Variants in TTC7A observed in about 807,000 individuals in gnomAD.
TTC7A encodes tetratricopeptide repeat protein 7A.
In TTC7A, 110 loss-of-function variants were observed where a neutral mutation model predicts 103.7. The observed-to-expected ratio is 1.06, with a 90% CI of 0.91 to 1.24. TTC7A has a LOEUF of 1.24. TTC7A is among the 50% of genes most tolerant of loss of function. The pLI, the probability that TTC7A is intolerant of heterozygous loss-of-function variation, is 0.00. For missense variants in TTC7A, 1,340 were observed against 1,116.3 expected (o/e 1.20, Z -2.86); for synonymous variants, 521 against 467.9 (o/e 1.11, Z -1.47).
chr2:47,023,437 C>T lies in TTC7A; in HGVS notation c.1540C>T (p.His514Tyr). Residue 514 changes from histidine (H) to tyrosine (Y), a missense_variant, in exon 13 of 20, where the codon CAC becomes TAC. His to Tyr is a moderately conservative substitution (Grantham distance 83). Transcript: ENST00000319190. Reference protein sequence around the residue: ...ATLKSKQDELHRKALQTLERA... With the variant: ...ATLKSKQDELYRKALQTLERA... ...CCTGAAGTCCAAGCAAGATGAATTG[C>T]ACCGGAAGGCACTGCAGACGCTGGA... 6.2e-7 allele frequency: 1 copy of T among 1,614,122 alleles called. No homozygotes were observed. Among genetic ancestry groups the T allele is most frequent in the Non-Finnish European group, 8.5e-7 (1 of 1,180,008 alleles).
chr2:47,046,416 G>C lies in TTC7A; in HGVS notation c.1904G>C (p.Ser635Thr), dbSNP rs147366291. The C allele has an allele frequency of 2.5e-6, 4 of 1,613,966 alleles. No individual in the cohort carries two copies. The African/African-American group carries it at 4.0e-5, about 16-fold the overall frequency. Residue 635 changes from serine to threonine, a missense_variant, in exon 16 of 20, where the codon AGC (serine) becomes ACC (threonine). Physicochemically the swap from Ser to Thr is moderately conservative, Grantham distance 58 (BLOSUM62 1). Coordinates refer to ENST00000319190, the MANE Select transcript of TTC7A (RefSeq NM_020458.4). Reference protein sequence around the residue: ...QVLRLWQTLYSFSQLGGLEKD... With the variant: ...QVLRLWQTLYTFSQLGGLEKD... Reference sequence around the variant, plus strand: ...CTGAGGCTGTGGCAGACCCTGTACAGCTTCTCCCAGCTGGGGTGAGTGGCC... The same window carrying C: ...CTGAGGCTGTGGCAGACCCTGTACACCTTCTCCCAGCTGGGGTGAGTGGCC...
intron 5 of TTC7A, among the ~76,000 whole-genome samples, chr2:46,981,229 T>C (rs1482546423): frequency 7.6e-6 from 1 of 131,428 alleles, no homozygotes; most frequent in African/African-American, 2.5e-5. Context: ...TACACAGATG[T>C]ATTTTTTTTT....
At position 47,046,342 on chromosome 2, in the gene TTC7A, G is replaced by T; in HGVS notation, c.1830G>T (p.Glu610Asp). The change falls in exon 16 of 20, where the codon GAG (glutamate) becomes GAT (aspartate). Residue 610 changes from glutamate to aspartate, a missense_variant. By Grantham distance (45) the Glu-to-Asp change is conservative (BLOSUM62 2). Coordinates refer to ENST00000319190, the MANE Select transcript of TTC7A (RefSeq NM_020458.4). ...FNLMFTKVKL[E>D]QVLKGPEEAL... ...TGATGTTCACCAAGGTGAAGCTGGA[G>T]CAGGTGCTGAAAGGCCCAGAGGAAG... The T allele has an allele frequency of 6.2e-7, 1 of 1,614,174 alleles. No individual in the cohort carries two copies. Among genetic ancestry groups the T allele is most frequent in the East Asian group, 2.2e-5 (1 of 44,882 alleles).
chr2:47,058,921 G>A (rs1683538161), intron 18 of TTC7A, among the ~76,000 whole-genome samples: 1 of 151,898 alleles, frequency 6.6e-6, no homozygotes, highest in Non-Finnish European at 1.5e-5. Flanking sequence ...TGCTTTGGAG[G>A]GAGGCCACAG....
At position 46,934,634 on chromosome 2, in the gene TTC7A, C is replaced by T. The variant is rs200573058; in HGVS notation, c.83-15729C>T. Among the ~76,000 whole-genome samples, 9 of 151,904 alleles carry T rather than the reference C, an allele frequency of 5.9e-5. No individual in the cohort carries two copies. The East Asian group carries it at 1.5e-3, about 26-fold the overall frequency. Reference sequence around the variant, plus strand: ...TATTCTCTAAAACACTTTAAAAACCCTCCCCTCATAGGTTGCAGTAAGCCT... The same window carrying T: ...TATTCTCTAAAACACTTTAAAAACCTTCCCCTCATAGGTTGCAGTAAGCCT... On this transcript the variant is annotated intron_variant, in intron 2 of 20. Transcript: ENST00000409245.
intron 3 of TTC7A, among the ~76,000 whole-genome samples, chr2:46,973,140 A>G (rs1322874642): frequency 6.6e-6 from 1 of 152,206 alleles, no homozygotes; most frequent in Non-Finnish European, 1.5e-5. Flanking sequence ...CTTGTTGCCC[A>G]TGTCCAATCC....
intron 19 of TTC7A, among the ~76,000 whole-genome samples, chr2:47,071,700 C>T (rs1288354642): frequency 1.3e-5 from 2 of 152,194 alleles, no homozygotes; most frequent in Non-Finnish European, 2.9e-5. Context: ...TCCCTACAGA[C>T]ACACACAGGA....
chr2:46,929,295 G>A (rs2103834011), intron 2 of TTC7A, among the ~76,000 whole-genome samples: 2 of 152,274 alleles, frequency 1.3e-5, no homozygotes, highest in Middle Eastern at 3.4e-3. Flanking sequence ...GACCAGCCTG[G>A]TCAACATAGC....
At chr2:46,991,708 A>G (rs1675651712) in intron 5 of TTC7A, among the ~76,000 whole-genome samples, 2 of 152,332 alleles carry the variant, frequency 1.3e-5, no homozygotes, top group Admixed American at 6.5e-5. Context: ...TGAATGAGGT[A>G]TGCAGTCTAC....
At chr2:46,920,568 T>C (rs546834244) in intron 2 of TTC7A, among the ~76,000 whole-genome samples, 2 of 151,880 alleles carry the variant, frequency 1.3e-5, no homozygotes, top group East Asian at 3.9e-4. Flanking sequence ...TGAACTCACG[T>C]GATCTGCCTG....
At chr2:46,927,638 G>A (rs1355736458) in intron 2 of TTC7A, among the ~76,000 whole-genome samples, 2 of 152,018 alleles carry the variant, frequency 1.3e-5, no homozygotes, top group South Asian at 2.1e-4. Flanking sequence ...GGGATTACAG[G>A]CATGAGCTAC....
chr2:47,021,908 A>G lies in TTC7A; in HGVS notation c.1439A>G (p.Glu480Gly), dbSNP rs755118898. The G allele has an allele frequency of 9.3e-6, 15 of 1,614,028 alleles. No homozygotes were observed. Among genetic ancestry groups the G allele is most frequent in the Non-Finnish European group, 1.3e-5 (15 of 1,179,998 alleles). The change falls in exon 12 of 20, where the codon GAG becomes GGG. Residue 480 changes from glutamate (E) to glycine (G), a missense_variant. Transcript: ENST00000319190. ...HFAMMVISLG[E>G]EAGEFLPKGY... ...GCCATGATGGTGATCAGCCTCGGAG[A>G]GGAAGCCGGGGAGTTCCTCCCCAAG...
At chr2:47,053,673 G>A (rs1683087997) in intron 18 of TTC7A, among the ~76,000 whole-genome samples, 1 of 152,176 alleles carries the variant, frequency 6.6e-6, no homozygotes, top group African/African-American at 2.4e-5. Context: ...CCAGGTTCAA[G>A]TGATTCTCCC....
intron 5 of TTC7A, among the ~76,000 whole-genome samples, chr2:46,988,812 G>GA (rs1675308229): frequency 6.6e-6 from 1 of 152,204 alleles, no homozygotes. Context: ...GTCTCAGGGT[G>GA]AAAAGAGAGG....
At chr2:46,980,632 C>A (rs1228994484) in intron 5 of TTC7A, among the ~76,000 whole-genome samples, 4 of 152,208 alleles carry the variant, frequency 2.6e-5, no homozygotes, top group African/African-American at 9.7e-5. Context: ...ACCTCTGATG[C>A]TAACCGTCAG....
At chr2:46,977,652 A>C (rs568165974) in intron 4 of TTC7A, among the ~76,000 whole-genome samples, 59 of 152,344 alleles carry the variant, frequency 3.9e-4, no homozygotes, top group Non-Finnish European at 7.6e-4. Flanking sequence ...ACTGATACAT[A>C]GTAGAAATAG....
intron 3 of TTC7A, among the ~76,000 whole-genome samples, chr2:46,965,021 T>C (rs1672718687): frequency 6.6e-6 from 1 of 152,198 alleles, no homozygotes; most frequent in Admixed American, 6.5e-5. Flanking sequence ...CTGACCGTGG[T>C]GCACATGAAC....
intron 11 of TTC7A, among the ~76,000 whole-genome samples, chr2:47,013,263 G>A (rs1678271700): frequency 6.6e-6 from 1 of 152,168 alleles, no homozygotes; most frequent in African/African-American, 2.4e-5. Context: ...GAGTATCAGG[G>A]AACCCTTGGT....
At chr2:46,974,868 C>G in intron 3 of TTC7A, 105 bp from the exon 4 acceptor site, 1 of 1,496,596 alleles carries the variant, frequency 6.7e-7, no homozygotes, top group Non-Finnish European at 9.1e-7. Context: ...CTGGCTGCAC[C>G]AGAGTGTCTG....
Sources: gnomAD v4.1 joint callset for allele counts (sites outside exome capture counted in the v4.1 genomes callset) on GRCh38, gnomAD v4.1.1 for gene constraint, MANE v1.5 for transcripts, NCBI Gene and HGNC (gene_info 2026-07-23, HGNC 2026-07-21) for gene names.